KAZN: variants seen among roughly 807,000 people sequenced by gnomAD.
KAZN encodes kazrin.
In KAZN, 40 loss-of-function variants were observed where a neutral mutation model predicts 87.4. That is an observed-to-expected ratio of 0.46 (90% CI 0.36 to 0.60). KAZN has a LOEUF of 0.60. KAZN is among the 20% of genes least tolerant of loss of function. The probability of loss-of-function intolerance (pLI) is 0.00; values close to 1 mark genes in which losing one functional copy is unlikely to be tolerated. For synonymous variants in KAZN, 466 were observed against 458.3 expected, an observed-to-expected ratio of 1.02 and a Z score of -0.22; for missense variants, 898 against 1,073.9, an observed-to-expected ratio of 0.84 and a Z score of 2.29.
intron 1 of KAZN, among the ~76,000 whole-genome samples, chr1:13,955,255 T>A (rs1177253826): frequency 2.6e-5 from 4 of 152,194 alleles, no homozygotes; most frequent in Non-Finnish European, 1.5e-5. Flanking sequence ...ATTTCTTTAT[T>A]AATATGGTCC....
At chr1:14,851,966 A>C (rs899940700) in intron 1 of KAZN, among the ~76,000 whole-genome samples, 4 of 152,182 alleles carry the variant, frequency 2.6e-5, no homozygotes, top group African/African-American at 9.7e-5. Context: ...TTGTGAGAGG[A>C]ATGAGAAATG....
intron 2 of KAZN, among the ~76,000 whole-genome samples, chr1:14,988,863 C>T (rs1667084951): frequency 6.6e-6 from 1 of 152,182 alleles, no homozygotes. Context: ...GGCTTCTCAG[C>T]CCTGGCAGCT....
chr1:14,001,074 G>A (rs548347897), intron 1 of KAZN, among the ~76,000 whole-genome samples: 48 of 152,162 alleles, frequency 3.2e-4, no homozygotes, highest in Non-Finnish European at 6.5e-4. Flanking sequence ...GAGCCACCAC[G>A]CCCGGCCGAC....
At chr1:14,290,791 C>T (rs1653624862) in intron 2 of KAZN, among the ~76,000 whole-genome samples, 1 of 152,234 alleles carries the variant, frequency 6.6e-6, no homozygotes, top group Non-Finnish European at 1.5e-5. Context: ...CTTTTCTGCT[C>T]TGGTTTCTCC....
chr1:14,044,182 C>G (rs1168107104), intron 1 of KAZN, among the ~76,000 whole-genome samples: 1 of 152,128 alleles, frequency 6.6e-6, no homozygotes, highest in East Asian at 1.9e-4. Context: ...TAATCACCCA[C>G]CAATACTGTG....
At chr1:13,990,324 G>A (rs180993864) in intron 1 of KAZN, among the ~76,000 whole-genome samples, 101 of 152,234 alleles carry the variant, frequency 6.6e-4, no homozygotes, top group African/African-American at 2.4e-3. Context: ...ATATTTATAC[G>A]AAGGAAGACC....
intron 1 of KAZN, among the ~76,000 whole-genome samples, chr1:13,929,046 G>GTTTTTTT (rs1640398534): frequency 1.2e-5 from 1 of 80,228 alleles, no homozygotes; most frequent in African/African-American, 4.9e-5. Flanking sequence ...CAGCTTCAAG[G>GTTTTTTT]CTTTTTTTTT....
intron 1 of KAZN, among the ~76,000 whole-genome samples, chr1:14,004,610 T>G (rs1272628702): frequency 6.6e-6 from 1 of 152,198 alleles, no homozygotes; most frequent in African/African-American, 2.4e-5. Context: ...ACTGGTGATG[T>G]TCTGTTTCTT....
At chr1:13,930,038 C>T (rs1640447830) in intron 1 of KAZN, among the ~76,000 whole-genome samples, 1 of 152,152 alleles carries the variant, frequency 6.6e-6, no homozygotes, top group Non-Finnish European at 1.5e-5. Flanking sequence ...CCCCCTACTG[C>T]TTCCTTATTT....
chr1:14,401,290 A>C (rs896029446), intron 2 of KAZN, among the ~76,000 whole-genome samples: 6 of 152,138 alleles, frequency 3.9e-5, no homozygotes, highest in African/African-American at 1.4e-4. Context: ...AAAATAGCAT[A>C]TAATAACTGT....
At chr1:14,955,605 C>T (rs1396144854) in intron 1 of KAZN, among the ~76,000 whole-genome samples, 2 of 151,134 alleles carry the variant, frequency 1.3e-5, no homozygotes, top group Non-Finnish European at 2.9e-5. Flanking sequence ...GGTGACCCGC[C>T]CTGGAGGCTC....
intron 8 of KAZN, among the ~76,000 whole-genome samples, chr1:15,087,685 C>T (rs1640327849): frequency 6.6e-6 from 1 of 152,212 alleles, no homozygotes. Flanking sequence ...CCACACCCAG[C>T]CCTTAAGGCA....
chr1:14,606,302 A>G (rs556420602), intron 1 of KAZN, among the ~76,000 whole-genome samples: 2 of 151,844 alleles, frequency 1.3e-5, no homozygotes, highest in African/African-American at 4.8e-5. Flanking sequence ...CCTTGTCTCT[A>G]CTCCTGATTA....
At position 14,842,964 on chromosome 1, in the gene KAZN, G is replaced by C. The variant is rs114879913; in HGVS notation, c.227-117720G>C. ...TGTGATTGGTATATTGCTGTTTCTC[G>C]GCTTACCCAAGAAACATCTCTTATA... On this transcript the variant is annotated intron_variant, in intron 1 of 14. Coordinates refer to ENST00000376030, the MANE Select transcript of KAZN (RefSeq NM_201628.3). Among the ~76,000 whole-genome samples, 1,427 of 152,002 alleles carry C rather than the reference G, an allele frequency of 9.4e-3. 12 individuals are homozygous for C. The highest frequency in any genetic ancestry group is 0.015 in the Non-Finnish European group (1,037 of 67,966).
intron 2 of KAZN, among the ~76,000 whole-genome samples, chr1:14,331,005 G>C (rs1225222615): frequency 6.6e-6 from 1 of 152,176 alleles, no homozygotes; most frequent in Non-Finnish European, 1.5e-5. Context: ...TCCCCTGTTA[G>C]CTGGGTCTGT....
rs527563158 is a variant in KAZN at position 14,188,032 on chromosome 1, G to A, written c.249+7440G>A. Reference sequence around the variant, plus strand: ...TCAAGGATCTGGGGTTTCACTGGGGGCAACTGACTATAAATATGGGAGTAA... The same window carrying A: ...TCAAGGATCTGGGGTTTCACTGGGGACAACTGACTATAAATATGGGAGTAA... On this transcript the variant is annotated intron_variant, in intron 2 of 16. Coordinates refer to the KAZN transcript ENST00000636203. 2.0e-5 allele frequency among the ~76,000 whole-genome samples: 3 copies of A among 152,170 alleles called. No individual in the cohort carries two copies. In the South Asian group the frequency reaches 6.2e-4, roughly 32 times the overall value.
At chr1:14,791,396 ACAACTCTTTC>A (rs1190072206) in intron 1 of KAZN, among the ~76,000 whole-genome samples, 11 of 152,242 alleles carry the variant, frequency 7.2e-5, no homozygotes, top group African/African-American at 2.7e-4. Flanking sequence ...TCATCCTGAC[ACAACTCTTTC>A]CAAACTCGCC....
At chr1:14,947,791 T>C (rs1395652529) in intron 1 of KAZN, among the ~76,000 whole-genome samples, 1 of 152,172 alleles carries the variant, frequency 6.6e-6, no homozygotes, top group African/African-American at 2.4e-5. Context: ...GCCAGGCACA[T>C]AGTGAACACC....
intron 1 of KAZN, among the ~76,000 whole-genome samples, chr1:14,715,912 C>T (rs1239305734): frequency 1.3e-5 from 2 of 152,226 alleles, no homozygotes; most frequent in African/African-American, 4.8e-5. Flanking sequence ...CATCTCTACA[C>T]TTAAAATGGA....
Sources: allele counts gnomAD v4.1 joint callset (sites outside exome capture counted in the v4.1 genomes callset), GRCh38; gene constraint gnomAD v4.1.1; transcripts MANE v1.5; gene names NCBI Gene and HGNC (gene_info 2026-07-23, HGNC 2026-07-21).